Variants in DCDC2 observed in about 807,000 individuals in gnomAD.
The protein encoded by DCDC2 is doublecortin domain-containing protein 2.
Under a neutral mutation model 50.2 loss-of-function variants are expected in DCDC2, and 40 were observed. The ratio of observed to expected loss-of-function variants is 0.80; its 90% CI spans 0.62 to 1.04. The LOEUF is 1.04. Among genes scored for constraint, DCDC2 ranks in the 50% least tolerant of loss-of-function variants. DCDC2 has a pLI of 0.00. For synonymous variants in DCDC2, 234 were observed against 210.6 expected, an observed-to-expected ratio of 1.11 and a Z score of -0.96; for missense variants, 570 against 581.9, an observed-to-expected ratio of 0.98 and a Z score of 0.21.
chr6:24,324,626 G>A (rs1000458001), intron 2 of DCDC2, among the ~76,000 whole-genome samples: 6 of 152,074 alleles, frequency 3.9e-5, no homozygotes, highest in Admixed American at 3.3e-4. Flanking sequence ...GCTCACACCT[G>A]TAATCCCAAC....
At chr6:24,326,760 G>A (rs1759875845) in intron 2 of DCDC2, among the ~76,000 whole-genome samples, 1 of 148,078 alleles carries the variant, frequency 6.8e-6, no homozygotes, top group South Asian at 2.3e-4. Flanking sequence ...TCAGGTGGCT[G>A]AAGCAGAAGG....
chr6:24,280,237 AT>A (rs1468525415), intron 6 of DCDC2, among the ~76,000 whole-genome samples: 1 of 152,228 alleles, frequency 6.6e-6, no homozygotes, highest in Non-Finnish European at 1.5e-5. Flanking sequence ...TAAATGAATT[AT>A]GCATAGGTTT....
intron 7 of DCDC2, among the ~76,000 whole-genome samples, chr6:24,244,708 C>CG (rs1403446063): frequency 2.0e-5 from 3 of 152,204 alleles, no homozygotes; most frequent in Non-Finnish European, 4.4e-5. Context: ...TCAGCTCCCC[C>CG]GGGGTGCCCA....
At chr6:24,354,517 T>C (rs1346260052) in intron 1 of DCDC2, among the ~76,000 whole-genome samples, 1 of 152,188 alleles carries the variant, frequency 6.6e-6, no homozygotes, top group Non-Finnish European at 1.5e-5. Context: ...TAAAATACTT[T>C]AGTTAATTCA....
At chr6:24,196,218 A>G (rs983420127) in intron 8 of DCDC2, among the ~76,000 whole-genome samples, 6 of 100,754 alleles carry the variant, frequency 6.0e-5, no homozygotes, top group Admixed American at 3.5e-4. Flanking sequence ...TGGGTTAATA[A>G]TTGGCTTTTT....
intron 2 of DCDC2, among the ~76,000 whole-genome samples, chr6:24,348,328 G>C (rs1760304821): frequency 6.6e-6 from 1 of 152,136 alleles, no homozygotes; most frequent in South Asian, 2.1e-4. Context: ...TGAGATAAGA[G>C]AAGTTTATCC....
At chr6:24,371,797 C>T in the DCDC2 span, among the ~76,000 whole-genome samples, 2 of 152,084 alleles carry the variant, frequency 1.3e-5, no homozygotes, top group African/African-American at 4.8e-5. Context: ...AAACAACCAT[C>T]AAAAAGTGGG....
intron 2 of DCDC2, among the ~76,000 whole-genome samples, chr6:24,314,789 A>T (rs550235830): frequency 6.6e-6 from 1 of 152,202 alleles, no homozygotes; most frequent in East Asian, 1.9e-4. Flanking sequence ...GTTGGAAAAA[A>T]GTCCGGAAGA....
At chr6:24,322,281 C>G (rs1759786480) in intron 2 of DCDC2, among the ~76,000 whole-genome samples, 1 of 152,072 alleles carries the variant, frequency 6.6e-6, no homozygotes, top group African/African-American at 2.4e-5. Context: ...GAGTCATAAC[C>G]TACAAATCAT....
At chr6:24,270,763 A>C (rs1164895219) in intron 7 of DCDC2, among the ~76,000 whole-genome samples, 1 of 152,168 alleles carries the variant, frequency 6.6e-6, no homozygotes, top group Non-Finnish European at 1.5e-5. Context: ...ACACCTCCCT[A>C]ACCAAGCCCC....
the DCDC2 span, among the ~76,000 whole-genome samples, chr6:24,373,229 T>G: frequency 1.3e-5 from 2 of 152,226 alleles, no homozygotes; most frequent in African/African-American, 4.8e-5. Context: ...CCAACAATTC[T>G]TCTACTTTGT....
Position 24,222,608 on chromosome 6 carries a change from A to G in DCDC2, c.923-17506T>C, listed in dbSNP as rs1185529134. 2.6e-5 allele frequency among the ~76,000 whole-genome samples: 4 copies of G among 152,318 alleles called. No individual in the cohort carries two copies. The East Asian group carries it at 7.7e-4, about 29-fold the overall frequency. On this transcript the variant is annotated intron_variant, in intron 7 of 9. Transcript: ENST00000378454. Reference sequence around the variant, plus strand: ...TGAGAACATCTGTAACTTTGTTTTTATTCTTAGCTCAAAAGTTAAAAGCAA... The same window carrying G: ...TGAGAACATCTGTAACTTTGTTTTTGTTCTTAGCTCAAAAGTTAAAAGCAA...
chr6:24,243,165 T>A (rs1487193715), intron 7 of DCDC2, among the ~76,000 whole-genome samples: 5 of 152,104 alleles, frequency 3.3e-5, no homozygotes, highest in Admixed American at 3.3e-4. Flanking sequence ...AAGCTAAACC[T>A]GTCAGTAATC....
At chr6:24,189,695 T>TC (rs1483283868) in intron 8 of DCDC2, among the ~76,000 whole-genome samples, 1 of 152,110 alleles carries the variant, frequency 6.6e-6, no homozygotes, top group Non-Finnish European at 1.5e-5. Context: ...CCAACCCTCC[T>TC]CCTCATTGCC....
rs745333409 is a variant in DCDC2 at position 24,357,683 on chromosome 6, C to A, written c.68G>T (p.Arg23Leu). 5.5e-5 allele frequency: 89 copies of A among 1,613,306 alleles called. 1 individual carries two copies. The Admixed American group carries it at 1.4e-3, about 26-fold the overall frequency. ...CCCCGCGTAGAAGGGGTCCCCGTTG[C>A]GGTACACAAGCACGCTCTTCACGAC... ...QPVVKSVLVY[R>L]NGDPFYAGRR... is the part of the protein sequence containing the mutation. The change falls in exon 1 of 10, where the codon CGC becomes CTC. Residue 23 changes from arginine to leucine, a missense_variant. Physicochemically the swap from Arg to Leu is moderately radical, Grantham distance 102 (BLOSUM62 -2). Coordinates refer to ENST00000378454, the MANE Select transcript of DCDC2 (RefSeq NM_016356.5).
chr6:24,211,450 T>C (rs1208348669), intron 7 of DCDC2, among the ~76,000 whole-genome samples: 1 of 152,106 alleles, frequency 6.6e-6, no homozygotes, highest in Non-Finnish European at 1.5e-5. Flanking sequence ...CGTAAGAAAC[T>C]GTGAGCATGT....
the DCDC2 span, among the ~76,000 whole-genome samples, chr6:24,373,439 C>T: frequency 6.6e-6 from 1 of 152,226 alleles, no homozygotes; most frequent in Non-Finnish European, 1.5e-5. Flanking sequence ...ACATGGAAGA[C>T]TCTTACAAAC....
At chr6:24,285,054 G>GCA (rs375292739) in intron 6 of DCDC2, among the ~76,000 whole-genome samples, 2,963 of 151,420 alleles carry the variant, frequency 0.02, 40 homozygotes, top group Middle Eastern at 0.075. Flanking sequence ...ACACATACAT[G>GCA]CACACACACA....
intron 7 of DCDC2, among the ~76,000 whole-genome samples, chr6:24,273,130 C>A (rs551415471): frequency 1.3e-5 from 2 of 152,202 alleles, no homozygotes; most frequent in South Asian, 4.2e-4. Flanking sequence ...ATGTCTTTTG[C>A]AGCAATGTGG....
Sources: allele counts gnomAD v4.1 joint callset (sites outside exome capture counted in the v4.1 genomes callset), GRCh38; gene constraint gnomAD v4.1.1; transcripts MANE v1.5; gene names NCBI Gene and HGNC (gene_info 2026-07-23, HGNC 2026-07-21).